The following CTNNA3 variants were observed in gnomAD, a reference collection of about 807,000 sequenced individuals.
The protein encoded by CTNNA3 is catenin alpha 3, also known as catenin alpha-3.
CTNNA3 carries 76 observed loss-of-function variants against 95.7 expected under a neutral mutation model. The observed-to-expected ratio is 0.79, with a 90% CI of 0.66 to 0.96. The LOEUF (loss-of-function observed/expected upper bound fraction) is 0.96. Among genes scored for constraint, CTNNA3 ranks in the 40% least tolerant of loss-of-function variants. The probability of loss-of-function intolerance (pLI) is 0.00; values close to 1 mark genes in which losing one functional copy is unlikely to be tolerated. For missense variants in CTNNA3, 1,191 were observed against 1,089.8 expected, an observed-to-expected ratio of 1.09 and a Z score of -1.31; for synonymous variants, 431 against 374.4, an observed-to-expected ratio of 1.15 and a Z score of -1.74.
At chr10:66,226,444 G>T (rs1418210461) in intron 13 of CTNNA3, among the ~76,000 whole-genome samples, 1 of 151,988 alleles carries the variant, frequency 6.6e-6, no homozygotes, top group African/African-American at 2.4e-5. Flanking sequence ...ACACTGCTTT[G>T]ATTACTATAG....
chr10:66,435,549 T>C (rs1296759456), intron 11 of CTNNA3, among the ~76,000 whole-genome samples: 1 of 152,120 alleles, frequency 6.6e-6, no homozygotes, highest in Middle Eastern at 3.2e-3. Flanking sequence ...TTTTATTGTG[T>C]CTATTTGATT....
chr10:67,199,698 C>T (rs1863553042), intron 6 of CTNNA3, among the ~76,000 whole-genome samples: 1 of 152,156 alleles, frequency 6.6e-6, no homozygotes, highest in South Asian at 2.1e-4. Flanking sequence ...CATGTCCCTT[C>T]CTGAACTTTA....
intron 5 of CTNNA3, 31 bp downstream of exon 5, chr10:67,521,811 C>T: frequency 6.2e-7 from 1 of 1,604,272 alleles, no homozygotes; most frequent in Non-Finnish European, 8.5e-7. Flanking sequence ...AAGTGTTCAT[C>T]TCCTCCACCA....
chr10:66,864,679 A>G (rs1173654420), intron 7 of CTNNA3, among the ~76,000 whole-genome samples: 1 of 152,110 alleles, frequency 6.6e-6, no homozygotes, highest in Non-Finnish European at 1.5e-5. Flanking sequence ...TTCATTATCT[A>G]TAAAAAAAAA....
intron 5 of CTNNA3, among the ~76,000 whole-genome samples, chr10:67,320,692 G>A (rs1467741061): frequency 1.3e-5 from 2 of 152,164 alleles, no homozygotes; most frequent in African/African-American, 4.8e-5. Context: ...ATAAATGTTA[G>A]TGAAATGAAT....
chr10:66,734,097 T>C (rs951704919), intron 9 of CTNNA3, among the ~76,000 whole-genome samples: 4 of 152,002 alleles, frequency 2.6e-5, no homozygotes, highest in Non-Finnish European at 4.4e-5. Flanking sequence ...TTTTCACTTC[T>C]GATAAATTTC....
At chr10:66,706,685 C>T (rs1848129439) in intron 9 of CTNNA3, among the ~76,000 whole-genome samples, 1 of 151,900 alleles carries the variant, frequency 6.6e-6, no homozygotes, top group South Asian at 2.1e-4. Context: ...AAAGATAATC[C>T]TTTACCCTAA....
intron 11 of CTNNA3, among the ~76,000 whole-genome samples, chr10:66,389,598 G>C (rs960764923): frequency 3.3e-5 from 5 of 151,988 alleles, no homozygotes; most frequent in Admixed American, 1.3e-4. Flanking sequence ...TACTTTGTTT[G>C]GTGCAAGCTT....
chr10:67,130,124 A>C (rs1028374657), intron 7 of CTNNA3, among the ~76,000 whole-genome samples: 1 of 151,924 alleles, frequency 6.6e-6, no homozygotes, highest in Non-Finnish European at 1.5e-5. Context: ...CTTTAAAGAA[A>C]CCCTCCTTTA....
At chr10:67,348,265 AAC>A (rs1323200336) in intron 5 of CTNNA3, among the ~76,000 whole-genome samples, 1 of 152,210 alleles carries the variant, frequency 6.6e-6, no homozygotes, top group South Asian at 2.1e-4. Context: ...TCTCATCAAA[AAC>A]ACAAGCAACA....
intron 12 of CTNNA3, among the ~76,000 whole-genome samples, 195 bp downstream of exon 12, chr10:66,378,957 C>G (rs1284504993): frequency 6.6e-6 from 1 of 152,146 alleles, no homozygotes; most frequent in Non-Finnish European, 1.5e-5. Flanking sequence ...TATAGAAGAC[C>G]TCTTTTTACC....
intron 16 of CTNNA3, among the ~76,000 whole-genome samples, chr10:65,968,123 C>A (rs1320362637): frequency 6.6e-6 from 1 of 152,192 alleles, no homozygotes; most frequent in Non-Finnish European, 1.5e-5. Context: ...GACGCAGTGG[C>A]TCATGCCTAT....
chr10:66,644,351 T>C (rs1217251642), intron 9 of CTNNA3, among the ~76,000 whole-genome samples: 1 of 147,998 alleles, frequency 6.8e-6, no homozygotes, highest in Non-Finnish European at 1.5e-5. Flanking sequence ...ATATTATATA[T>C]ATTTTACATA....
chr10:65,963,941 A>T (rs1449621203), intron 17 of CTNNA3, among the ~76,000 whole-genome samples: 1 of 152,194 alleles, frequency 6.6e-6, no homozygotes, highest in Non-Finnish European at 1.5e-5. Flanking sequence ...CATACTGCCC[A>T]TTCACTTTAG....
At chr10:66,203,185 G>A (rs7920585) in intron 13 of CTNNA3, among the ~76,000 whole-genome samples, 26,082 of 152,028 alleles carry the variant, frequency 0.17, 2,656 homozygotes, top group South Asian at 0.38. Context: ...CACTTGAAAA[G>A]GTCAATAAGA....
intron 7 of CTNNA3, among the ~76,000 whole-genome samples, chr10:67,137,197 T>G (rs534339636): frequency 2.6e-5 from 4 of 152,290 alleles, no homozygotes; most frequent in Admixed American, 2.6e-4. Flanking sequence ...CTCTGAGGGT[T>G]ACCACAAGTC....
chr10:66,936,492 G>A (rs1012284140), intron 7 of CTNNA3, among the ~76,000 whole-genome samples: 2 of 151,962 alleles, frequency 1.3e-5, no homozygotes, highest in Admixed American at 6.6e-5. Flanking sequence ...TGGTTGTTCT[G>A]TTTTGTTTCT....
At position 66,143,793 on chromosome 10, in the gene CTNNA3, A is replaced by G. The variant is rs115546888; in HGVS notation, c.1885-40544T>C. On this transcript the variant is annotated intron_variant, in intron 13 of 17. Transcript: ENST00000433211. ...TTCCACTTATTCCATTCCCTTTGCC[A>G]CACAGACACTTTAATGTGAATTTTA... Among the ~76,000 whole-genome samples, 1,515 of 152,286 alleles carry G rather than the reference A, an allele frequency of 9.9e-3. 34 individuals carry two copies. The highest frequency in any genetic ancestry group is 0.035 in the African/African-American group (1,436 of 41,550).
At chr10:67,739,477 G>A (rs1030434866) in intron 1 of CTNNA3, among the ~76,000 whole-genome samples, 22 of 152,144 alleles carry the variant, frequency 1.4e-4, no homozygotes, top group African/African-American at 2.4e-4. Flanking sequence ...TACAAAATCA[G>A]TGTGCAAAAA....
Sources: gnomAD v4.1 joint callset for allele counts (sites outside exome capture counted in the v4.1 genomes callset) on GRCh38, gnomAD v4.1.1 for gene constraint, MANE v1.5 for transcripts, NCBI Gene and HGNC (gene_info 2026-07-23, HGNC 2026-07-21) for gene names.